The following TRAPPC10 variants were observed in gnomAD, a reference collection of about 807,000 sequenced individuals.
TRAPPC10 encodes the protein trafficking protein particle complex subunit 10, also known as TRAPP 130 kDa subunit.
TRAPPC10 carries 23 observed loss-of-function variants against 125.5 expected under a neutral mutation model. That is an observed-to-expected ratio of 0.18 (90% confidence interval 0.13 to 0.26). The LOEUF is 0.26. TRAPPC10 is among the 10% of genes least tolerant of loss of function. The pLI is 1.00. For synonymous variants in TRAPPC10, 509 were observed against 518.0 expected, an observed-to-expected ratio of 0.98 and a Z score of 0.24; for missense variants, 1,123 against 1,308.4, an observed-to-expected ratio of 0.86 and a Z score of 2.19.
chr21:44,013,579 C>T (rs901170059), intron 1 of TRAPPC10, among the ~76,000 whole-genome samples: 2 of 152,228 alleles, frequency 1.3e-5, no homozygotes, highest in African/African-American at 2.4e-5. Flanking sequence ...CTCACTCTGT[C>T]AGCGGGTGTG....
At chr21:44,064,801 G>C (rs1323332971) in intron 7 of TRAPPC10, among the ~76,000 whole-genome samples, 1 of 152,152 alleles carries the variant, frequency 6.6e-6, no homozygotes, top group Non-Finnish European at 1.5e-5. Context: ...TCTTATTTCA[G>C]AGCTAAGCTC....
chr21:44,072,414 G>A (rs920320932), intron 7 of TRAPPC10, among the ~76,000 whole-genome samples: 1 of 152,204 alleles, frequency 6.6e-6, no homozygotes, highest in African/African-American at 2.4e-5. Context: ...TTTACCAAAA[G>A]CACTGTACGT....
chr21:44,080,195 G>A lies in TRAPPC10; in HGVS notation c.1723+68G>A, dbSNP rs541081550. 3.0e-6 allele frequency: 4 copies of A among 1,347,936 alleles called. No individual in the cohort carries two copies. In the African/African-American group the frequency reaches 5.8e-5, roughly 19 times the overall value. 83.5% of individuals were successfully genotyped at this position (1,347,936 alleles called of 1,614,324 possible). On this transcript the variant is annotated intron_variant, in intron 13 of 22. Coordinates refer to ENST00000291574, the MANE Select transcript of TRAPPC10 (RefSeq NM_003274.5). ...ATTACAGAAGTAAAAAAGAATACAA[G>A]ATATACCAACCACTTACAGTAAACA...
chr21:44,073,750 T>C lies in TRAPPC10; in HGVS notation c.1039-574T>C, dbSNP rs552002717. Among the ~76,000 whole-genome samples, 26 of 152,300 alleles carry C rather than the reference T, an allele frequency of 1.7e-4. 1 individual carries two copies. Among genetic ancestry groups the C allele is most frequent in the African/African-American group, 6.0e-4 (25 of 41,570 alleles). ...ATAGGGAGCAATAGGGAGCTCTTTTTCCCAAACATAAATATACTGTCTTTA... is the reference window on the plus strand; with the variant it reads ...ATAGGGAGCAATAGGGAGCTCTTTTCCCCAAACATAAATATACTGTCTTTA... On this transcript the variant is annotated intron_variant, in intron 7 of 22. Coordinates refer to ENST00000291574, the MANE Select transcript of TRAPPC10 (RefSeq NM_003274.5).
intron 1 of TRAPPC10, among the ~76,000 whole-genome samples, chr21:44,028,096 A>G (rs907910305): frequency 3.9e-5 from 6 of 152,054 alleles, no homozygotes; most frequent in African/African-American, 1.5e-4. Context: ...TCTTTCCCCC[A>G]TCGTGTTTCT....
At chr21:44,054,689 C>G (rs897097999) in intron 4 of TRAPPC10, among the ~76,000 whole-genome samples, 3 of 152,220 alleles carry the variant, frequency 2.0e-5, no homozygotes, top group Non-Finnish European at 2.9e-5. Flanking sequence ...GGTTCAGCCT[C>G]TTTGTAATTA....
At chr21:44,038,701 A>G (rs1331209961) in intron 3 of TRAPPC10, among the ~76,000 whole-genome samples, 2 of 152,178 alleles carry the variant, frequency 1.3e-5, no homozygotes, top group Non-Finnish European at 2.9e-5. Context: ...AGCAGCATAG[A>G]AAGTACATAG....
In TRAPPC10 at chr21:44,083,290, A is replaced by C. The variant is rs1569211347; in HGVS notation, c.2226A>C (p.Thr742=). ...VTLEPGANQI[T]FRTQAKEPGT... ...TGGAACCAGGGGCCAACCAGATAAC[A>C]TTCAGGACTCAGGTATGCGTTCAGG... is the stretch of plus-strand genomic sequence containing the variant. The change falls in exon 14 of 23, where the codon ACA becomes ACC. Residue 742 remains threonine, a synonymous_variant. Coordinates refer to ENST00000291574, the MANE Select transcript of TRAPPC10 (RefSeq NM_003274.5). 1 of 1,613,654 alleles carries C rather than the reference A, an allele frequency of 6.2e-7. No individual in the cohort carries two copies. The highest frequency in any genetic ancestry group is 1.7e-5 in the Admixed American group (1 of 60,012).
Position 44,016,751 on chromosome 21 carries a change from C to T in TRAPPC10, c.67+4191C>T, listed in dbSNP as rs374337946. Among the ~76,000 whole-genome samples, 100 of 152,200 alleles carry T rather than the reference C, an allele frequency of 6.6e-4. 1 individual carries two copies. The highest frequency in any genetic ancestry group is 9.7e-4 in the Non-Finnish European group (66 of 67,992). On this transcript the variant is annotated intron_variant, in intron 1 of 22. Coordinates refer to ENST00000291574, the MANE Select transcript of TRAPPC10 (RefSeq NM_003274.5). ...TTGGCTAACTGCAAGCTCCGCCTCCCGGGTTCACGCCATTCTCCTGCCTCA... is the reference window on the plus strand; with the variant it reads ...TTGGCTAACTGCAAGCTCCGCCTCCTGGGTTCACGCCATTCTCCTGCCTCA...
At chr21:44,083,665 T>C (rs1438215382) in intron 14 of TRAPPC10, among the ~76,000 whole-genome samples, 1 of 152,204 alleles carries the variant, frequency 6.6e-6, no homozygotes, top group Non-Finnish European at 1.5e-5. Context: ...CTCAAACTTA[T>C]TTTCCTTTTG....
chr21:44,092,059 G>T lies in TRAPPC10; in HGVS notation c.2997+10G>T. 6.2e-7 allele frequency: 1 copy of T among 1,613,384 alleles called. No individual in the cohort carries two copies. The highest frequency in any genetic ancestry group is 1.3e-5 in the African/African-American group (1 of 75,026). On this transcript the variant is annotated intron_variant, in intron 19 of 22. Coordinates refer to ENST00000291574, the MANE Select transcript of TRAPPC10 (RefSeq NM_003274.5). ...CACGCAGTCCCAGCAGGTAAACATT[G>T]TGTAGACCTGAGCATAAACTTCTCA...
At position 44,012,625 on chromosome 21, in the gene TRAPPC10, ACCCGGCGCCCCCAGACCTTCAGCC is replaced by A. The variant is rs894981993; in HGVS notation, c.67+74_67+97del. ...GCGGGCCCGGGCCCTGGCGTTATGC[ACCCGGCGCCCCCAGACCTTCAGCC>A]CCCGGCGCGCTCCGGGCTGGGCCGC... On this transcript the variant is annotated intron_variant, in intron 1 of 22. Transcript: ENST00000291574. 53 of 1,413,698 alleles carry A rather than the reference ACCCGGCGCCCCCAGACCTTCAGCC, an allele frequency of 3.7e-5. 1 individual carries two copies. The highest frequency in any genetic ancestry group is 2.5e-4 in the Middle Eastern group (1 of 3,974). 87.6% of individuals were successfully genotyped at this position (1,413,698 alleles called of 1,614,324 possible).
chr21:44,047,022 C>T (rs1258223473), intron 3 of TRAPPC10: 2 of 756,796 alleles, frequency 2.6e-6, no homozygotes, highest in African/African-American at 3.5e-5. Context: ...GGAGTCCTTT[C>T]CCACCTTACT....
chr21:44,038,117 A>C (rs1343505763), intron 3 of TRAPPC10, among the ~76,000 whole-genome samples, 190 bp downstream of exon 3: 1 of 152,168 alleles, frequency 6.6e-6, no homozygotes, highest in East Asian at 1.9e-4. Context: ...GTGTGGGTCT[A>C]GGCTTTGTTG....
At chr21:44,080,251 G>A in intron 13 of TRAPPC10, 124 bp downstream of exon 13, 1 of 810,534 alleles carries the variant, frequency 1.2e-6, no homozygotes, top group Non-Finnish European at 2.0e-6. Context: ...TAGCTGACAT[G>A]TATCTATGTC....
rs530555269 is a variant in TRAPPC10 at position 44,082,386 on chromosome 21, G to T, written c.1724-402G>T. Among the ~76,000 whole-genome samples the T allele has an allele frequency of 5.3e-5, 8 of 152,284 alleles. No individual in the cohort carries two copies. In the East Asian group the frequency reaches 1.5e-3, roughly 29 times the overall value. On this transcript the variant is annotated intron_variant, in intron 13 of 22. Transcript: ENST00000291574. The surrounding 1 kb of genome is among the most constrained non-coding windows in gnomAD (Gnocchi z 4.4). ...GGGGTTTGTTTCCACATCACAGCAG[G>T]GCACTTGGGCATCTTCACTGAGCAT... is the stretch of plus-strand genomic sequence containing the variant.
At chr21:44,047,550 G>T (rs2034930899) in intron 3 of TRAPPC10, among the ~76,000 whole-genome samples, 1 of 150,740 alleles carries the variant, frequency 6.6e-6, no homozygotes, top group Admixed American at 6.6e-5. Flanking sequence ...GTGTGTGTGT[G>T]TGTGTGTGTG....
rs191514929 is a variant in TRAPPC10, at chr21:44,025,360, G to A, written c.68-6731G>A. Among the ~76,000 whole-genome samples, 245 of 152,346 alleles carry A rather than the reference G, an allele frequency of 1.6e-3. 1 individual carries two copies. Among genetic ancestry groups the A allele is most frequent in the African/African-American group, 5.6e-3 (234 of 41,580 alleles). On this transcript the variant is annotated intron_variant, in intron 1 of 22. Coordinates refer to ENST00000291574, the MANE Select transcript of TRAPPC10 (RefSeq NM_003274.5). ...GTCTAAAGCCTTAAGGCATTGGGGTGCCAGGAACAGGAGTGTCTCTTTTTA... is the reference window on the plus strand; with the variant it reads ...GTCTAAAGCCTTAAGGCATTGGGGTACCAGGAACAGGAGTGTCTCTTTTTA...
chr21:44,062,718 G>C (rs1188985155), intron 6 of TRAPPC10: 5 of 985,298 alleles, frequency 5.1e-6, no homozygotes, highest in Non-Finnish European at 6.0e-6. Context: ...TGGTGCAGGG[G>C]CTGGGCTGGC....
Sources: allele counts gnomAD v4.1 joint callset (sites outside exome capture counted in the v4.1 genomes callset), GRCh38; gene constraint gnomAD v4.1.1; non-coding constraint Gnocchi (gnomAD v3.1); transcripts MANE v1.5; gene names NCBI Gene and HGNC (gene_info 2026-07-23, HGNC 2026-07-21).